The following SLIT3 variants were observed in gnomAD, a reference collection of about 807,000 sequenced individuals.
SLIT3 encodes the protein slit homolog 3 protein.
Under a neutral mutation model 184.0 loss-of-function variants are expected in SLIT3, and 68 were observed. The observed-to-expected ratio is 0.37, with a 90% CI of 0.30 to 0.45. The LOEUF (loss-of-function observed/expected upper bound fraction) is 0.45. Ranked by LOEUF, SLIT3 falls within the 20% of genes least tolerant of loss-of-function variation. SLIT3 has a pLI of 1.00. For synonymous variants in SLIT3, 831 were observed against 828.6 expected, an observed-to-expected ratio of 1.00 and a Z score of -0.05; for missense variants, 1,707 against 2,026.0, an observed-to-expected ratio of 0.84 and a Z score of 3.02.
chr5:168,687,150 A>G, intron 29 of SLIT3, 34 bp from the exon 30 acceptor site: 1 of 1,602,794 alleles, frequency 6.2e-7, no homozygotes. Flanking sequence ...CCGTTCCTCA[A>G]GGCAAAGCCA....
intron 17 of SLIT3, among the ~76,000 whole-genome samples, chr5:168,753,492 T>C (rs1347879009): frequency 1.3e-5 from 2 of 152,264 alleles, no homozygotes; most frequent in Non-Finnish European, 2.9e-5. Flanking sequence ...TTTATGTGCA[T>C]GTTGCACGTG....
intron 3 of SLIT3, among the ~76,000 whole-genome samples, chr5:169,200,359 G>C (rs372000553): frequency 4.6e-5 from 7 of 152,152 alleles, no homozygotes; most frequent in African/African-American, 1.7e-4. Flanking sequence ...CCTTCCCCAG[G>C]CAGCTTCTTA....
intron 4 of SLIT3, among the ~76,000 whole-genome samples, chr5:168,956,457 AC>A (rs1762829271): frequency 6.6e-6 from 1 of 152,182 alleles, no homozygotes; most frequent in Admixed American, 6.5e-5. Flanking sequence ...AAATCAAATT[AC>A]CTTTTACCTA....
intron 1 of SLIT3, among the ~76,000 whole-genome samples, chr5:169,276,793 T>C (rs1766821546): frequency 6.6e-6 from 1 of 152,258 alleles, no homozygotes; most frequent in South Asian, 2.1e-4. Context: ...GGCTGTGCGC[T>C]ACACATAAGG....
chr5:168,743,742 G>A (rs555928497), intron 20 of SLIT3, among the ~76,000 whole-genome samples: 7 of 152,256 alleles, frequency 4.6e-5, no homozygotes, highest in East Asian at 1.9e-4. Flanking sequence ...AATTGTGAAC[G>A]CAAATAAAAA....
At chr5:168,893,643 T>C (rs1347914965) in intron 4 of SLIT3, among the ~76,000 whole-genome samples, 1 of 152,166 alleles carries the variant, frequency 6.6e-6, no homozygotes, top group East Asian at 1.9e-4. Context: ...ATGGCCCAAA[T>C]TGAGTCCTCT....
chr5:168,758,829 G>A (rs958105982), intron 16 of SLIT3, among the ~76,000 whole-genome samples: 1 of 152,206 alleles, frequency 6.6e-6, no homozygotes, highest in Non-Finnish European at 1.5e-5. Context: ...AGGTGGTACA[G>A]TCCACTCTCA....
intron 26 of SLIT3, among the ~76,000 whole-genome samples, chr5:168,704,932 G>C (rs1409757492): frequency 6.6e-6 from 1 of 152,162 alleles, no homozygotes; most frequent in Non-Finnish European, 1.5e-5. Flanking sequence ...CAGGGACATA[G>C]CACAGAGAAT....
At chr5:169,228,254 G>T (rs1764875935) in intron 3 of SLIT3, among the ~76,000 whole-genome samples, 4 of 152,116 alleles carry the variant, frequency 2.6e-5, no homozygotes, top group Admixed American at 2.0e-4. Context: ...GGGACTTTGA[G>T]GAAACTGCTG....
intron 4 of SLIT3, among the ~76,000 whole-genome samples, chr5:168,887,464 C>T (rs1219417787): frequency 6.6e-6 from 1 of 152,184 alleles, no homozygotes; most frequent in Admixed American, 6.5e-5. Context: ...TACTAAAATG[C>T]TCTTTGCCTC....
Position 168,749,548 on chromosome 5 carries a change from G to A in SLIT3, c.2061C>T (p.Asn687=), listed in dbSNP as rs1332263184. ...WLRKRRIVSG[N]PRCQKPFFLK... ...GGAAAAATGGCTTCTGGCACCTAGG[G>A]TTCCCACTGACGATCCGCCTCTTCC... Residue 687 remains asparagine, a synonymous_variant, in exon 19 of 36, where the codon AAC becomes AAT. Transcript: ENST00000519560. The A allele has an allele frequency of 5.6e-6, 9 of 1,614,078 alleles. No homozygotes were observed. Among genetic ancestry groups the A allele is most frequent in the South Asian group, 1.1e-5 (1 of 91,088 alleles).
intron 7 of SLIT3, among the ~76,000 whole-genome samples, chr5:168,820,676 G>T (rs1439290478): frequency 1.3e-5 from 2 of 152,198 alleles, no homozygotes; most frequent in Non-Finnish European, 2.9e-5. Flanking sequence ...CCTGCATGTT[G>T]TTCTGCAATC....
At chr5:168,772,342 T>C (rs1254936709) in intron 14 of SLIT3, 1 of 187,598 alleles carries the variant, frequency 5.3e-6, no homozygotes, top group South Asian at 1.1e-4. Context: ...CCGAAGGGAG[T>C]GGGAGGTCCC....
chr5:169,081,749 T>A (rs1453473632), intron 4 of SLIT3, among the ~76,000 whole-genome samples: 3 of 152,180 alleles, frequency 2.0e-5, no homozygotes, highest in Admixed American at 2.0e-4. Flanking sequence ...GCAAATTATA[T>A]TCAAAGCAGG....
At chr5:169,150,998 A>G (rs1020774165) in intron 4 of SLIT3, among the ~76,000 whole-genome samples, 1 of 152,172 alleles carries the variant, frequency 6.6e-6, no homozygotes, top group Admixed American at 6.5e-5. Context: ...TAAGCTCCCT[A>G]CAGCTGGACT....
intron 14 of SLIT3, among the ~76,000 whole-genome samples, chr5:168,771,389 T>C (rs186093900): frequency 6.6e-6 from 1 of 152,300 alleles, no homozygotes; most frequent in East Asian, 1.9e-4. Context: ...CCAGATGCTG[T>C]GTGGTGTGAG....
intron 3 of SLIT3, among the ~76,000 whole-genome samples, chr5:169,217,541 T>C (rs1764480117): frequency 6.6e-6 from 1 of 152,188 alleles, no homozygotes; most frequent in Non-Finnish European, 1.5e-5. Context: ...ACAGGTCTAA[T>C]GAAGAGCTAG....
At chr5:169,015,745 C>A (rs1402772818) in intron 4 of SLIT3, among the ~76,000 whole-genome samples, 1 of 151,960 alleles carries the variant, frequency 6.6e-6, no homozygotes, top group Non-Finnish European at 1.5e-5. Flanking sequence ...GAGACCCTGT[C>A]TGTACAAAAA....
intron 29 of SLIT3, among the ~76,000 whole-genome samples, chr5:168,691,929 G>A (rs984208158): frequency 1.2e-4 from 18 of 152,290 alleles, no homozygotes; most frequent in African/African-American, 4.3e-4. Flanking sequence ...ATGAGTACAG[G>A]GCCTGGGAGG....
Sources: allele counts gnomAD v4.1 joint callset (sites outside exome capture counted in the v4.1 genomes callset), GRCh38; gene constraint gnomAD v4.1.1; transcripts MANE v1.5; gene names NCBI Gene and HGNC (gene_info 2026-07-23, HGNC 2026-07-21).